Variants in MALRD1 observed in about 807,000 individuals in gnomAD.
MALRD1 encodes MAM and LDL receptor class A domain containing 1, also known as MAM and LDL-receptor class A domain-containing protein 1.
In MALRD1, 247 loss-of-function variants were observed where a neutral mutation model predicts 242.1. That is an observed-to-expected ratio of 1.02 (90% CI 0.92 to 1.13). MALRD1 has a LOEUF of 1.13. MALRD1 is among the 50% of genes most tolerant of loss of function. The probability of loss-of-function intolerance (pLI) is 0.00; values close to 1 mark genes in which losing one functional copy is unlikely to be tolerated. For synonymous variants in MALRD1, 995 were observed against 866.6 expected (o/e 1.15, Z -2.60); for missense variants, 2,989 against 2,533.1 (o/e 1.18, Z -3.86).
intron 18 of MALRD1, among the ~76,000 whole-genome samples, chr10:19,226,712 C>T (rs1837816855): frequency 6.6e-6 from 1 of 151,424 alleles, no homozygotes; most frequent in African/African-American, 2.4e-5. Flanking sequence ...TAAGTGACAC[C>T]CAAGTTGGGA....
chr10:19,340,284 T>A (rs1391707700), intron 24 of MALRD1, among the ~76,000 whole-genome samples: 1 of 152,154 alleles, frequency 6.6e-6, no homozygotes, highest in African/African-American at 2.4e-5. Flanking sequence ...ATTTACACTC[T>A]TTTAGTTATT....
At chr10:19,424,753 G>C (rs905710001) in intron 28 of MALRD1, among the ~76,000 whole-genome samples, 1 of 151,566 alleles carries the variant, frequency 6.6e-6, no homozygotes, top group Non-Finnish European at 1.5e-5. Flanking sequence ...AATCACATTT[G>C]TTTTTTTTCT....
rs553267661 is a variant in MALRD1 at position 19,158,303 on chromosome 10, G to A, written c.1656+3131G>A. ...TTTTGCTTTCAAAGTTAGTTTGTAT[G>A]TTCATCTATTGATCTTTCTTTTGTT... On this transcript the variant is annotated intron_variant, in intron 12 of 39. Coordinates refer to ENST00000454679, the MANE Select transcript of MALRD1 (RefSeq NM_001142308.3). Among the ~76,000 whole-genome samples, 19 of 152,324 alleles carry A rather than the reference G, an allele frequency of 1.2e-4. No individual in the cohort carries two copies. In the South Asian group the frequency reaches 3.9e-3, roughly 32 times the overall value.
intron 33 of MALRD1, among the ~76,000 whole-genome samples, chr10:19,569,031 T>G (rs1469836049): frequency 6.6e-6 from 1 of 152,172 alleles, no homozygotes; most frequent in African/African-American, 2.4e-5. Flanking sequence ...TTACAATAAA[T>G]TATGATTTAT....
chr10:19,467,631 G>T (rs1272261491), intron 29 of MALRD1, among the ~76,000 whole-genome samples: 1 of 151,140 alleles, frequency 6.6e-6, no homozygotes, highest in Non-Finnish European at 1.5e-5. Flanking sequence ...ATATGTAAAT[G>T]CCCTTGAACC....
chr10:19,631,444 A>G (rs1839899936), intron 36 of MALRD1, among the ~76,000 whole-genome samples: 1 of 152,172 alleles, frequency 6.6e-6, no homozygotes, highest in Admixed American at 6.5e-5. Flanking sequence ...GAATAGTGCT[A>G]TAATGAACAT....
At position 19,537,795 on chromosome 10, in the gene MALRD1, G is replaced by T. The variant is rs181165833; in HGVS notation, c.5478+6444G>T. On this transcript the variant is annotated intron_variant, in intron 32 of 39. Coordinates refer to ENST00000454679, the MANE Select transcript of MALRD1 (RefSeq NM_001142308.3). ...ATGAGGTCTCCCCCTTCATGATCTT[G>T]TCCCTCCTGTAGGCCCTACCTTCTA... 4.7e-3 allele frequency among the ~76,000 whole-genome samples: 722 copies of T among 152,194 alleles called. 3 individuals are homozygous for T. Among genetic ancestry groups the T allele is most frequent in the Non-Finnish European group, 8.3e-3 (565 of 68,020 alleles).
chr10:19,153,013 T>C (rs939608925), intron 11 of MALRD1, among the ~76,000 whole-genome samples: 1 of 152,180 alleles, frequency 6.6e-6, no homozygotes, highest in Non-Finnish European at 1.5e-5. Flanking sequence ...AATTATTTCC[T>C]TTTATTTTAT....
chr10:19,567,543 G>A lies in MALRD1; in HGVS notation c.5520G>A (p.Trp1840Ter). The change falls in exon 33 of 40, where the codon TGG becomes TGA. Residue 1840 changes from tryptophan (W) to a stop codon, truncating the protein, a stop_gained. Transcript: ENST00000454679. LOFTEE classifies it high-confidence loss of function. ...AATCGGGGCTAAACATCCTGGTGTG[G>A]TCAGTGATTGGAAATAAAAGAACGG... ...IEESGLNILVWSVIGNKRTGW... is the reference protein window; with the variant it reads ...IEESGLNILV 10 of 1,550,378 alleles carry A rather than the reference G, an allele frequency of 6.5e-6. No individual in the cohort carries two copies. Among genetic ancestry groups the A allele is most frequent in the Non-Finnish European group, 8.7e-6 (10 of 1,146,914 alleles).
intron 12 of MALRD1, among the ~76,000 whole-genome samples, chr10:19,162,321 A>G (rs1015296571): frequency 2.0e-5 from 3 of 151,690 alleles, no homozygotes; most frequent in Non-Finnish European, 4.4e-5. Context: ...CTTTCTCTCT[A>G]TATATTTCTG....
intron 21 of MALRD1, among the ~76,000 whole-genome samples, chr10:19,300,377 A>AT (rs1258280850): frequency 6.6e-6 from 1 of 152,042 alleles, no homozygotes; most frequent in Non-Finnish European, 1.5e-5. Context: ...TAAAATTAAT[A>AT]TGCAATCAAA....
chr10:19,242,699 T>C lies in MALRD1; in HGVS notation c.2992-14985T>C, dbSNP rs191244115. Among the ~76,000 whole-genome samples the C allele has an allele frequency of 2.2e-4, 34 of 152,240 alleles. No individual in the cohort carries two copies. The East Asian group carries it at 6.6e-3, about 29-fold the overall frequency. Reference sequence around the variant, plus strand: ...TATACAGTGACATTCTTTTTTTATATAGTTTTTTTATTTAAAGCCTTTTAA... The same window carrying C: ...TATACAGTGACATTCTTTTTTTATACAGTTTTTTTATTTAAAGCCTTTTAA... On this transcript the variant is annotated intron_variant, in intron 18 of 39. Transcript: ENST00000454679.
intron 19 of MALRD1, among the ~76,000 whole-genome samples, chr10:19,275,285 T>C (rs574091879): frequency 2.6e-5 from 4 of 152,226 alleles, no homozygotes; most frequent in Non-Finnish European, 4.4e-5. Context: ...AGTCGATGTC[T>C]TCTTTGTCTC....
chr10:19,387,597 T>C lies in MALRD1; in HGVS notation c.4511T>C (p.Phe1504Ser), dbSNP rs1269530944. ...TATAGGCTGGAACAAAGCTGTAACT[T>C]CGTAGATAACTGTGGAGATAATACT... ...KCYRLEQSCNFVDNCGDNTDE... is the reference protein window; with the variant it reads ...KCYRLEQSCNSVDNCGDNTDE... Residue 1504 changes from phenylalanine to serine, a missense_variant, in exon 27 of 40, where the codon TTC becomes TCC. Transcript: ENST00000454679. 1 of 1,550,464 alleles carries C rather than the reference T, an allele frequency of 6.4e-7. No individual in the cohort carries two copies. The highest frequency in any genetic ancestry group is 2.0e-5 in the Admixed American group (1 of 50,986).
intron 1 of MALRD1, among the ~76,000 whole-genome samples, chr10:19,053,321 A>G (rs910907032): frequency 6.6e-6 from 1 of 152,164 alleles, no homozygotes; most frequent in African/African-American, 2.4e-5. Context: ...TCATTTGCTC[A>G]TCCTTGCAAT....
At chr10:19,320,462 G>C (rs1305979515) in intron 21 of MALRD1, among the ~76,000 whole-genome samples, 2 of 151,984 alleles carry the variant, frequency 1.3e-5, no homozygotes, top group Non-Finnish European at 2.9e-5. Flanking sequence ...TCTTTATCCA[G>C]TCTATCATTG....
intron 1 of MALRD1, 56 bp downstream of exon 1, chr10:19,049,193 G>C: frequency 8.2e-7 from 1 of 1,216,732 alleles, no homozygotes; most frequent in Non-Finnish European, 1.0e-6. Context: ...TGAAACGAGG[G>C]CCTCTGAGCA....
At chr10:19,260,930 A>C (rs1839718877) in intron 19 of MALRD1, among the ~76,000 whole-genome samples, 1 of 152,140 alleles carries the variant, frequency 6.6e-6, no homozygotes, top group South Asian at 2.1e-4. Context: ...AGATATGAAA[A>C]ATTAAAGATA....
intron 39 of MALRD1, among the ~76,000 whole-genome samples, chr10:19,731,121 C>T (rs1001282319): frequency 6.6e-6 from 1 of 152,124 alleles, no homozygotes; most frequent in African/African-American, 2.4e-5. Flanking sequence ...AGTAACTATT[C>T]ATTGAATGTC....
Sources: allele counts gnomAD v4.1 joint callset (sites outside exome capture counted in the v4.1 genomes callset), GRCh38; gene constraint gnomAD v4.1.1; transcripts MANE v1.5; gene names NCBI Gene and HGNC (gene_info 2026-07-23, HGNC 2026-07-21).